The following FER1L6 variants were observed in gnomAD, a reference collection of about 807,000 sequenced individuals.
FER1L6 encodes fer-1-like protein 6.
FER1L6 carries 177 observed loss-of-function variants against 219.2 expected under a neutral mutation model. The observed-to-expected ratio is 0.81, with a 90% CI of 0.71 to 0.91. FER1L6 has a LOEUF of 0.91. FER1L6 is among the 40% of genes least tolerant of loss of function. The pLI, the probability that FER1L6 is intolerant of heterozygous loss-of-function variation, is 0.00. For synonymous variants in FER1L6, 768 were observed against 824.3 expected, an observed-to-expected ratio of 0.93 and a Z score of 1.17; for missense variants, 2,153 against 2,259.9, an observed-to-expected ratio of 0.95 and a Z score of 0.96.
intron 21 of FER1L6, chr8:124,047,664 T>C (rs1819798624): frequency 6.6e-6 from 1 of 152,192 alleles, no homozygotes; most frequent in Admixed American, 6.5e-5. Context: ...TCAAGCCCTT[T>C]ATGGAGAAAT....
chr8:124,099,385 C>T lies in FER1L6; in HGVS notation c.4883+1502C>T, dbSNP rs113147930. ...CGGTTTCTTATCTCAGTGACTGGCACCATCATCCATTGGGTTGAGAACCCC... is the reference window on the plus strand; with the variant it reads ...CGGTTTCTTATCTCAGTGACTGGCATCATCATCCATTGGGTTGAGAACCCC... On this transcript the variant is annotated intron_variant, in intron 37 of 40. Transcript: ENST00000522917. Among the ~76,000 whole-genome samples the T allele has an allele frequency of 5.8e-3, 885 of 152,328 alleles. 17 individuals are homozygous for T. The highest frequency in any genetic ancestry group is 0.02 in the African/African-American group (838 of 41,572).
chr8:124,096,099 T>C (rs1362313178), intron 35 of FER1L6, among the ~76,000 whole-genome samples: 3 of 152,194 alleles, frequency 2.0e-5, no homozygotes, highest in African/African-American at 7.2e-5. Flanking sequence ...GACCTAGTGA[T>C]TGCACGTGTG....
chr8:124,066,480 CA>C lies in FER1L6; in HGVS notation c.3609del (p.Asp1204MetfsTer7). 2 of 1,614,068 alleles carry C rather than the reference CA, an allele frequency of 1.2e-6. No individual in the cohort carries two copies. Among genetic ancestry groups the C allele is most frequent in the Non-Finnish European group, 1.7e-6 (2 of 1,179,950 alleles). ...ACTAAGAGGAGAAAGAGGACCATAG[CA>C]GATGAATCTGCTGAAAACGTGATTG... is the stretch of plus-strand genomic sequence containing the variant. ...RSTKRRKRTI[A>X]DESAENVIDW... On this transcript the variant is annotated frameshift_variant, in exon 27 of 41. Coordinates refer to ENST00000522917, the MANE Select transcript of FER1L6 (RefSeq NM_001039112.2). LOFTEE classifies it high-confidence loss of function.
intron 1 of FER1L6, among the ~76,000 whole-genome samples, chr8:123,913,926 A>G (rs1404686669): frequency 2.6e-5 from 4 of 152,110 alleles, no homozygotes; most frequent in Non-Finnish European, 5.9e-5. Flanking sequence ...ACATTCTGTT[A>G]ACATGAGAAA....
rs111804707 is a variant in FER1L6, at chr8:124,069,082, G to A, written c.3719-278G>A. Among the ~76,000 whole-genome samples, 798 of 151,954 alleles carry A rather than the reference G, an allele frequency of 5.3e-3. 7 individuals are homozygous for A. Among genetic ancestry groups the A allele is most frequent in the African/African-American group, 0.017 (699 of 41,438 alleles). On this transcript the variant is annotated intron_variant, in intron 28 of 40. Transcript: ENST00000522917. ...CTCCCGAGTAGCTGGGACTACAGGC[G>A]CCCGCCACCATGCCTGGCTAATTTT...
intron 1 of FER1L6, among the ~76,000 whole-genome samples, chr8:123,870,069 C>G (rs1816899843): frequency 6.6e-6 from 1 of 152,194 alleles, no homozygotes; most frequent in Non-Finnish European, 1.5e-5. Context: ...AGTCATTTGT[C>G]ATTAGTGAAT....
intron 1 of FER1L6, among the ~76,000 whole-genome samples, chr8:123,875,987 G>T (rs1456306275): frequency 1.3e-5 from 2 of 152,160 alleles, no homozygotes; most frequent in Non-Finnish European, 2.9e-5. Context: ...AATTCAGAAT[G>T]ATCTTTGACA....
intron 1 of FER1L6, among the ~76,000 whole-genome samples, chr8:123,950,051 G>A (rs771534668): frequency 2.6e-5 from 4 of 152,140 alleles, no homozygotes; most frequent in Non-Finnish European, 4.4e-5. Context: ...GGAGAGCAGG[G>A]CTTTAATTAG....
chr8:124,039,251 C>G (rs1171644152), intron 19 of FER1L6, among the ~76,000 whole-genome samples: 2 of 152,210 alleles, frequency 1.3e-5, no homozygotes, highest in Non-Finnish European at 2.9e-5. Context: ...CCACAGAATC[C>G]TCAGAGATCA....
chr8:123,936,573 C>T (rs1025564234), intron 1 of FER1L6, among the ~76,000 whole-genome samples: 11 of 146,760 alleles, frequency 7.5e-5, no homozygotes, highest in Non-Finnish European at 1.6e-4. Flanking sequence ...TTTTCTGGTC[C>T]TCCAGTTGTT....
In FER1L6 at chr8:123,894,491, G is replaced by A. The variant is rs566696632; in HGVS notation, c.-8+42306G>A. Among the ~76,000 whole-genome samples the A allele has an allele frequency of 4.6e-5, 7 of 152,294 alleles. No individual in the cohort carries two copies. The South Asian group carries it at 1.5e-3, about 32-fold the overall frequency. ...TTTGGTAACAATATGAAACTATAGT[G>A]AGATAAATCATGAGAAATTGCTCTG... On this transcript the variant is annotated intron_variant, in intron 1 of 40. Transcript: ENST00000522917.
intron 1 of FER1L6, among the ~76,000 whole-genome samples, chr8:123,937,186 C>T (rs920120919): frequency 1.3e-4 from 20 of 152,172 alleles, no homozygotes; most frequent in Non-Finnish European, 8.8e-5. Flanking sequence ...GGATTACAGG[C>T]GTGAGCCACC....
At chr8:123,921,745 G>A (rs1044360914) in intron 1 of FER1L6, among the ~76,000 whole-genome samples, 1 of 152,090 alleles carries the variant, frequency 6.6e-6, no homozygotes, top group Non-Finnish European at 1.5e-5. Flanking sequence ...GGTATCTGGG[G>A]CTGGGTAAAA....
intron 1 of FER1L6, among the ~76,000 whole-genome samples, chr8:123,944,027 C>G (rs756754812): frequency 1.3e-5 from 2 of 151,902 alleles, no homozygotes; most frequent in Non-Finnish European, 2.9e-5. Context: ...TTTACTGAAG[C>G]CTTGAGACCT....
At chr8:124,012,754 T>C (rs757431377) in intron 14 of FER1L6, among the ~76,000 whole-genome samples, 3 of 152,250 alleles carry the variant, frequency 2.0e-5, no homozygotes, top group Non-Finnish European at 4.4e-5. Context: ...GGGGAACATA[T>C]GTCCCTAGGC....
chr8:123,957,892 T>C (rs1815091068), intron 2 of FER1L6, among the ~76,000 whole-genome samples: 1 of 152,204 alleles, frequency 6.6e-6, no homozygotes, highest in African/African-American at 2.4e-5. Flanking sequence ...TGTGGGAGAC[T>C]GAAAAAACAA....
intron 13 of FER1L6, among the ~76,000 whole-genome samples, chr8:124,009,779 A>T (rs1817828498): frequency 1.3e-5 from 2 of 152,100 alleles, no homozygotes; most frequent in South Asian, 4.1e-4. Context: ...ATGTTGTTGT[A>T]GTTCCAGGGT....
At chr8:123,954,043 A>G (rs1007344241) in intron 1 of FER1L6, among the ~76,000 whole-genome samples, 2 of 152,214 alleles carry the variant, frequency 1.3e-5, no homozygotes, top group African/African-American at 4.8e-5. Context: ...AGCACTTTCT[A>G]TATCCCAGAT....
intron 11 of FER1L6, 176 bp from the exon 12 acceptor site, chr8:123,985,892 G>A (rs903713762): frequency 3.7e-5 from 21 of 570,246 alleles, no homozygotes; most frequent in Non-Finnish European, 6.5e-5. Flanking sequence ...TGGATCTGCA[G>A]TTTGCAGATC....
Sources: allele counts gnomAD v4.1 joint callset (sites outside exome capture counted in the v4.1 genomes callset), GRCh38; gene constraint gnomAD v4.1.1; transcripts MANE v1.5; gene names NCBI Gene and HGNC (gene_info 2026-07-23, HGNC 2026-07-21).